The following MEGF10 variants were observed in gnomAD, a reference collection of about 807,000 sequenced individuals.
The protein encoded by MEGF10 is multiple EGF like domains 10.
In MEGF10, 86 loss-of-function variants were observed where a neutral mutation model predicts 147.5. That is an observed-to-expected ratio of 0.58 (90% CI 0.49 to 0.70). MEGF10 has a LOEUF of 0.70. Ranked by LOEUF, MEGF10 falls within the 30% of genes least tolerant of loss-of-function variation. MEGF10 has a pLI of 0.00. For missense variants in MEGF10, 1,329 were observed against 1,487.3 expected (o/e 0.89, Z 1.75); for synonymous variants, 478 against 525.5 (o/e 0.91, Z 1.24).
At chr5:127,308,702 A>G in intron 1 of MEGF10, among the ~76,000 whole-genome samples, 2 of 142,804 alleles carry the variant, frequency 1.4e-5, no homozygotes, top group African/African-American at 5.3e-5. Context: ...ATCACACACC[A>G]GAGCCTGTTG....
Position 127,438,662 on chromosome 5 carries a change from G to T in MEGF10, c.2233+95G>T. On this transcript the variant is annotated intron_variant, in intron 17 of 24. Coordinates refer to ENST00000503335, the MANE Select transcript of MEGF10 (RefSeq NM_001256545.2). ...CATGCGTGACTGGAGCTCAACAAAGGTCCCTGAGGTTGGAGTACTTCCCTC... is the reference window on the plus strand; with the variant it reads ...CATGCGTGACTGGAGCTCAACAAAGTTCCCTGAGGTTGGAGTACTTCCCTC... 7 of 1,398,096 alleles carry T rather than the reference G, an allele frequency of 5.0e-6. No individual in the cohort carries two copies. In the South Asian group the frequency reaches 7.9e-5, roughly 16 times the overall value. The allele number at this position is 1,398,096 out of a possible 1,614,324, so 86.6% of individuals were successfully genotyped here. A position where few individuals can be genotyped will look rare whatever the true frequency, so the allele number is the denominator to read the frequency against.
intron 4 of MEGF10, among the ~76,000 whole-genome samples, chr5:127,352,584 C>G (rs1009542328): frequency 6.6e-6 from 1 of 152,024 alleles, no homozygotes; most frequent in Non-Finnish European, 1.5e-5. Flanking sequence ...TCGCTTGAAC[C>G]CAGGAGGTGG....
chr5:127,267,390 T>G, the MEGF10 span, among the ~76,000 whole-genome samples: 4 of 152,272 alleles, frequency 2.6e-5, no homozygotes, highest in African/African-American at 9.6e-5. Flanking sequence ...TCTCTTTTTT[T>G]ATTGTGTCTC....
chr5:127,418,707 A>G (rs1208951587), intron 10 of MEGF10, among the ~76,000 whole-genome samples: 1 of 152,242 alleles, frequency 6.6e-6, no homozygotes, highest in Admixed American at 6.5e-5. Context: ...ATTACATATC[A>G]TACAAGGATA....
upstream of MEGF10, among the ~76,000 whole-genome samples, chr5:127,288,793 T>C (rs1759111313): frequency 1.3e-5 from 2 of 152,238 alleles, no homozygotes; most frequent in South Asian, 4.1e-4. Context: ...AGCAGCTTTA[T>C]TCATAATAAC....
chr5:127,319,792 T>C (rs934521469), intron 1 of MEGF10, among the ~76,000 whole-genome samples: 4 of 152,222 alleles, frequency 2.6e-5, no homozygotes, highest in African/African-American at 9.6e-5. Flanking sequence ...TATCTCTATA[T>C]TTGTACCCTA....
chr5:127,259,509 G>A, the MEGF10 span, among the ~76,000 whole-genome samples: 1 of 152,084 alleles, frequency 6.6e-6, no homozygotes, highest in Admixed American at 6.5e-5. Context: ...AAACTATCTG[G>A]TTCCTGGTTG....
At chr5:127,404,514 G>A (rs1490156212) in intron 8 of MEGF10, among the ~76,000 whole-genome samples, 2 of 152,026 alleles carry the variant, frequency 1.3e-5, no homozygotes, top group Admixed American at 6.6e-5. Context: ...TTTGTTGATT[G>A]TATTCTTTGC....
At chr5:127,424,131 C>G (rs533958732) in intron 13 of MEGF10, among the ~76,000 whole-genome samples, 1 of 152,320 alleles carries the variant, frequency 6.6e-6, no homozygotes, top group South Asian at 2.1e-4. Flanking sequence ...AAAGGCTATT[C>G]TTTCCCCCAC....
At chr5:127,432,433 G>A (rs1311264754) in intron 13 of MEGF10, among the ~76,000 whole-genome samples, 1 of 152,172 alleles carries the variant, frequency 6.6e-6, no homozygotes, top group East Asian at 1.9e-4. Flanking sequence ...GAGGGTCTGC[G>A]TGCTTGCTCT....
intron 5 of MEGF10, among the ~76,000 whole-genome samples, chr5:127,391,574 A>T (rs746954682): frequency 1.1e-5 from 1 of 89,954 alleles, no homozygotes; most frequent in African/African-American, 6.2e-5. Flanking sequence ...TGTCTAAAAT[A>T]AAAAAAAAAA....
chr5:127,347,144 A>G (rs1000419183), intron 4 of MEGF10, among the ~76,000 whole-genome samples: 2 of 152,078 alleles, frequency 1.3e-5, no homozygotes, highest in Admixed American at 1.3e-4. Context: ...CTCCACCTGC[A>G]TTAATAAAGA....
At chr5:127,233,128 ACT>A in the MEGF10 span, among the ~76,000 whole-genome samples, 1 of 151,966 alleles carries the variant, frequency 6.6e-6, no homozygotes, top group Non-Finnish European at 1.5e-5. Flanking sequence ...AATGGCAGTG[ACT>A]CTGTTTCTCT....
intron 1 of MEGF10, among the ~76,000 whole-genome samples, chr5:127,321,192 C>T (rs1760773240): frequency 6.6e-6 from 1 of 152,156 alleles, no homozygotes; most frequent in Non-Finnish European, 1.5e-5. Context: ...ATGGCCAAGT[C>T]ATCTTAACTT....
At chr5:127,248,671 CAA>C in the MEGF10 span, among the ~76,000 whole-genome samples, 1 of 151,378 alleles carries the variant, frequency 6.6e-6, no homozygotes, top group Admixed American at 6.6e-5. Context: ...AATGGAAAAA[CAA>C]AGAGAAAATA....
chr5:127,379,513 C>T (rs974706389), intron 5 of MEGF10, among the ~76,000 whole-genome samples: 24 of 152,008 alleles, frequency 1.6e-4, no homozygotes, highest in Admixed American at 9.8e-4. Context: ...GGAACACACT[C>T]GTCTTATTTT....
chr5:127,349,059 A>T (rs1486746898), intron 4 of MEGF10, among the ~76,000 whole-genome samples: 8 of 152,296 alleles, frequency 5.3e-5, no homozygotes, highest in Admixed American at 1.3e-4. Context: ...TTAAAATAAC[A>T]TTTTAAAATC....
chr5:127,441,629 G>T (rs936333391), intron 18 of MEGF10, among the ~76,000 whole-genome samples: 1 of 152,120 alleles, frequency 6.6e-6, no homozygotes, highest in Non-Finnish European at 1.5e-5. Context: ...AGGGCTTAGG[G>T]CTGTATCAGA....
intron 2 of MEGF10, among the ~76,000 whole-genome samples, chr5:127,336,384 G>A (rs1265213250): frequency 1.3e-5 from 2 of 151,964 alleles, no homozygotes; most frequent in East Asian, 3.9e-4. Flanking sequence ...TTGAGGGCAG[G>A]AATTGCATAG....
Sources: allele counts gnomAD v4.1 joint callset (sites outside exome capture counted in the v4.1 genomes callset), GRCh38; gene constraint gnomAD v4.1.1; transcripts MANE v1.5; gene names NCBI Gene and HGNC (gene_info 2026-07-23, HGNC 2026-07-21).